Variants in MYOM1 observed in about 807,000 individuals in gnomAD.
MYOM1 encodes myomesin 1.
MYOM1 carries 164 observed loss-of-function variants against 205.3 expected under a neutral mutation model. That is an observed-to-expected ratio of 0.80 (90% CI 0.70 to 0.91). The LOEUF (loss-of-function observed/expected upper bound fraction) is 0.91. Ranked by LOEUF, MYOM1 falls within the 40% of genes least tolerant of loss-of-function variation. MYOM1 has a pLI of 0.00. For synonymous variants in MYOM1, 772 were observed against 789.4 expected, an observed-to-expected ratio of 0.98 and a Z score of 0.37; for missense variants, 2,011 against 2,127.3, an observed-to-expected ratio of 0.95 and a Z score of 1.08.
chr18:3,178,834 C>A (rs1183154504), intron 5 of MYOM1, among the ~76,000 whole-genome samples: 4 of 151,988 alleles, frequency 2.6e-5, no homozygotes. Context: ...TATTATGTTG[C>A]CAAACCTTTG....
chr18:3,206,250 T>A (rs1166362427), intron 2 of MYOM1, among the ~76,000 whole-genome samples: 2 of 152,226 alleles, frequency 1.3e-5, no homozygotes, highest in Non-Finnish European at 2.9e-5. Context: ...CTGAATTCAT[T>A]TTTTCTATTC....
At position 3,090,820 on chromosome 18, in the gene MYOM1, A is replaced by T; in HGVS notation, c.3865-18T>A. ...TTATATTTCTTCAGTGTGAAAAGAA[A>T]ATGACAGAGAAATCACTGAGGCATA... is the stretch of plus-strand genomic sequence containing the variant. On this transcript the variant is annotated intron_variant, in intron 26 of 37. Coordinates refer to ENST00000356443, the MANE Select transcript of MYOM1 (RefSeq NM_003803.4). 6.2e-7 allele frequency: 1 copy of T among 1,613,498 alleles called. No homozygotes were observed. The highest frequency in any genetic ancestry group is 8.5e-7 in the Non-Finnish European group (1 of 1,179,608).
intron 12 of MYOM1, among the ~76,000 whole-genome samples, chr18:3,150,771 T>C (rs955712998): frequency 6.6e-6 from 1 of 152,172 alleles, no homozygotes; most frequent in Non-Finnish European, 1.5e-5. Flanking sequence ...TCATGTACCA[T>C]GGTTTTGACA....
rs1028170301 is a variant in MYOM1 at position 3,179,916 on chromosome 18, T to C, written c.930-3782A>G. Among the ~76,000 whole-genome samples the C allele has an allele frequency of 2.6e-5, 4 of 152,300 alleles. No individual in the cohort carries two copies. The highest frequency in any genetic ancestry group is 3.4e-3 in the Middle Eastern group (1 of 294). On this transcript the variant is annotated intron_variant, in intron 5 of 37. Coordinates refer to ENST00000356443, the MANE Select transcript of MYOM1 (RefSeq NM_003803.4). The surrounding 1 kb of genome is among the most constrained non-coding windows in gnomAD (Gnocchi z 4.4). Reference sequence around the variant, plus strand: ...CGCTGTGATACCAACGGCTGTGACATGTGCTGTTTGACCAAATGACTCAGT... The same window carrying C: ...CGCTGTGATACCAACGGCTGTGACACGTGCTGTTTGACCAAATGACTCAGT...
intron 22 of MYOM1, among the ~76,000 whole-genome samples, chr18:3,108,879 C>T (rs920903859): frequency 4.6e-5 from 7 of 152,058 alleles, no homozygotes; most frequent in Non-Finnish European, 8.8e-5. Context: ...CCCAGGCTAA[C>T]CCACCAGGTA....
intron 23 of MYOM1, 81 bp from the exon 24 acceptor site, chr18:3,100,507 T>G: frequency 1.1e-6 from 1 of 932,814 alleles, no homozygotes; most frequent in Non-Finnish European, 1.7e-6. Flanking sequence ...TGGGCATTTG[T>G]GTATACTACT....
At chr18:3,202,138 A>G (rs922563470) in intron 2 of MYOM1, among the ~76,000 whole-genome samples, 5 of 152,220 alleles carry the variant, frequency 3.3e-5, no homozygotes, top group African/African-American at 7.2e-5. Flanking sequence ...GTAGATAGAA[A>G]TAAGTTAATA....
chr18:3,159,873 TTTTCCTTC>T (rs1239413554), intron 10 of MYOM1, among the ~76,000 whole-genome samples: 7 of 142,324 alleles, frequency 4.9e-5, no homozygotes, highest in Non-Finnish European at 7.6e-5. Context: ...ATTTTCTTTC[TTTTCCTTC>T]CTTCCTTCCT....
intron 5 of MYOM1, among the ~76,000 whole-genome samples, chr18:3,176,829 C>T (rs1270158846): frequency 2.0e-5 from 3 of 152,068 alleles, no homozygotes; most frequent in Non-Finnish European, 4.4e-5. Flanking sequence ...TTGCAGTGAG[C>T]TGAGATTGTG....
upstream of MYOM1, among the ~76,000 whole-genome samples, chr18:3,223,784 T>C (rs531731822): frequency 6.6e-6 from 1 of 152,354 alleles, no homozygotes; most frequent in East Asian, 1.9e-4. Flanking sequence ...TACTCCTCCC[T>C]GAGAGTGTCA....
chr18:3,095,059 A>G, intron 25 of MYOM1, among the ~76,000 whole-genome samples: 1 of 152,144 alleles, frequency 6.6e-6, no homozygotes, highest in Middle Eastern at 3.2e-3. Flanking sequence ...TCAAGTTTCA[A>G]GGGATGATTT....
chr18:3,162,826 C>G (rs1320411703), intron 10 of MYOM1, among the ~76,000 whole-genome samples: 1 of 152,078 alleles, frequency 6.6e-6, no homozygotes, highest in Non-Finnish European at 1.5e-5. Flanking sequence ...GAGATCGAGA[C>G]CATCCTGGCT....
At chr18:3,185,325 C>A (rs962319490) in intron 5 of MYOM1, among the ~76,000 whole-genome samples, 1 of 152,108 alleles carries the variant, frequency 6.6e-6, no homozygotes, top group Non-Finnish European at 1.5e-5. Context: ...ACTTTGTATC[C>A]TTTTGATAAT....
chr18:3,197,798 G>A (rs936300509), intron 2 of MYOM1, among the ~76,000 whole-genome samples: 9 of 152,092 alleles, frequency 5.9e-5, no homozygotes, highest in Non-Finnish European at 1.2e-4. Context: ...GCGTGAACCT[G>A]GGAGGCAGAG....
chr18:3,209,581 C>T lies in MYOM1; in HGVS notation c.290+5353G>A, dbSNP rs9955480. On this transcript the variant is annotated intron_variant, in intron 2 of 37. Transcript: ENST00000356443. This position sits in a 1 kb window ranked among gnomAD's most constrained non-coding sequence, Gnocchi z 4.0. Reference sequence around the variant, plus strand: ...CAACCCATCACCTTTCTGACATCCTCTCCACCTGCACTATCCATCACTCCC... The same window carrying T: ...CAACCCATCACCTTTCTGACATCCTTTCCACCTGCACTATCCATCACTCCC... Among the ~76,000 whole-genome samples, 1 of 152,218 alleles carries T rather than the reference C, an allele frequency of 6.6e-6. No individual in the cohort carries two copies. Among genetic ancestry groups the T allele is most frequent in the East Asian group, 1.9e-4 (1 of 5,196 alleles).
intron 25 of MYOM1, among the ~76,000 whole-genome samples, chr18:3,097,328 T>C (rs541051182): frequency 3.9e-5 from 6 of 152,150 alleles, no homozygotes; most frequent in Non-Finnish European, 5.9e-5. Flanking sequence ...AGAGCTGGAG[T>C]TTTAGTATTG....
At position 3,100,214 on chromosome 18, in the gene MYOM1, A is replaced by C. The variant is rs567797564; in HGVS notation, c.3683-11T>G. 1 of 1,613,576 alleles carries C rather than the reference A, an allele frequency of 6.2e-7. No homozygotes were observed. Among genetic ancestry groups the C allele is most frequent in the South Asian group, 1.1e-5 (1 of 91,076 alleles). ...GTAAACGTTTCAATTCTGTAGGGGG[A>C]AAAAGAAGGCAGTTAAACCTTAAAC... is the stretch of plus-strand genomic sequence containing the variant. On this transcript the variant is annotated splice_polypyrimidine_tract_variant and intron_variant, in intron 24 of 37. Coordinates refer to ENST00000356443, the MANE Select transcript of MYOM1 (RefSeq NM_003803.4).
At position 3,126,882 on chromosome 18, in the gene MYOM1, G is replaced by C. The variant is rs2079794723; in HGVS notation, c.2810C>G (p.Pro937Arg). 1 of 1,609,392 alleles carries C rather than the reference G, an allele frequency of 6.2e-7. No individual in the cohort carries two copies. The highest frequency in any genetic ancestry group is 1.3e-5 in the African/African-American group (1 of 74,874). The change falls in exon 19 of 38, where the codon CCC becomes CGC. Residue 937 changes from proline to arginine, a missense_variant. Coordinates refer to ENST00000356443, the MANE Select transcript of MYOM1 (RefSeq NM_003803.4). The part of the protein sequence containing the change: ...KKTDRAPPSP[P>R]CDITCLESFR... The stretch of plus-strand genomic sequence containing the variant: ...ACTTTCAAGACAGGTGATATCACAG[G>C]GTGGAGATGGTGGTGCTGTAGCAAT...
upstream of MYOM1, among the ~76,000 whole-genome samples, chr18:3,222,140 ATC>A (rs2081335242): frequency 2.6e-5 from 4 of 152,256 alleles, no homozygotes; most frequent in South Asian, 8.3e-4. Flanking sequence ...ATAATCACAT[ATC>A]TGTAAGGGTA....
Sources: allele counts gnomAD v4.1 joint callset (sites outside exome capture counted in the v4.1 genomes callset), GRCh38; gene constraint gnomAD v4.1.1; non-coding constraint Gnocchi (gnomAD v3.1); transcripts MANE v1.5; gene names NCBI Gene and HGNC (gene_info 2026-07-23, HGNC 2026-07-21).